Variants in TMC1 observed in about 807,000 individuals in gnomAD.
TMC1 encodes the protein transmembrane channel like 1.
Under a neutral mutation model 105.8 loss-of-function variants are expected in TMC1, and 84 were observed. The observed-to-expected ratio is 0.79, with a 90% confidence interval of 0.67 to 0.95. The LOEUF is 0.95. Ranked by LOEUF, TMC1 falls within the 40% of genes least tolerant of loss-of-function variation. The probability of loss-of-function intolerance (pLI) is 0.00; values close to 1 mark genes in which losing one functional copy is unlikely to be tolerated. For synonymous variants in TMC1, 315 were observed against 311.5 expected (o/e 1.01, Z -0.12); for missense variants, 817 against 914.1 (o/e 0.89, Z 1.37).
chr9:72,739,363 G>A (rs1464961442), intron 8 of TMC1, among the ~76,000 whole-genome samples: 2 of 152,136 alleles, frequency 1.3e-5, no homozygotes, highest in African/African-American at 4.8e-5. Flanking sequence ...GATTTTGATA[G>A]GGACAAAAAC....
rs7028166 is a variant in TMC1 at position 72,736,187 on chromosome 9, C to T, written c.363-3932C>T. Among the ~76,000 whole-genome samples the T allele has an allele frequency of 9.7e-4, 147 of 152,120 alleles. 1 individual carries two copies. The highest frequency in any genetic ancestry group is 3.3e-3 in the African/African-American group (136 of 41,486). On this transcript the variant is annotated intron_variant, in intron 8 of 23. Transcript: ENST00000297784. ...AAGAGAAATATGAAACTATACCTAG[C>T]GTCAAGGAAAACTAACAGTAATTGA...
chr9:72,699,738 C>T (rs910916984), intron 7 of TMC1, among the ~76,000 whole-genome samples: 4 of 151,988 alleles, frequency 2.6e-5, no homozygotes, highest in Non-Finnish European at 4.4e-5. Flanking sequence ...GGGTGGATCA[C>T]CTGAGGTCAG....
intron 10 of TMC1, among the ~76,000 whole-genome samples, chr9:72,743,904 A>G (rs1420558563): frequency 6.6e-6 from 1 of 152,242 alleles, no homozygotes; most frequent in East Asian, 1.9e-4. Context: ...ATCTTTCCAT[A>G]TTCTGGTTTC....
intron 13 of TMC1, among the ~76,000 whole-genome samples, chr9:72,774,494 TG>T (rs1827978302): frequency 6.6e-6 from 1 of 152,202 alleles, no homozygotes; most frequent in Non-Finnish European, 1.5e-5. Flanking sequence ...ATGTTGCTGG[TG>T]GAACACTCTG....
At chr9:72,601,081 T>C (rs1443939992) in intron 2 of TMC1, among the ~76,000 whole-genome samples, 2 of 152,152 alleles carry the variant, frequency 1.3e-5, no homozygotes, top group African/African-American at 2.4e-5. Context: ...ATTCCTGTAA[T>C]GTCAGCACTC....
intron 3 of TMC1, among the ~76,000 whole-genome samples, chr9:72,627,683 A>G (rs567435120): frequency 1.3e-4 from 19 of 149,714 alleles, no homozygotes; most frequent in African/African-American, 4.5e-4. Context: ...TTGTACACAC[A>G]GACAGAAACG....
At chr9:72,712,781 C>G (rs1449254377) in intron 8 of TMC1, among the ~76,000 whole-genome samples, 2 of 152,120 alleles carry the variant, frequency 1.3e-5, no homozygotes, top group South Asian at 2.1e-4. Context: ...CCTGATTGCC[C>G]TGGCCAGAAC....
chr9:72,616,522 T>G (rs1269684849), intron 3 of TMC1, 45 bp downstream of exon 3: 1 of 151,524 alleles, frequency 6.6e-6, no homozygotes, highest in Non-Finnish European at 1.5e-5. Context: ...TATGTAATGT[T>G]CAGGATCATT....
chr9:72,600,258 C>T (rs547526351), intron 2 of TMC1, among the ~76,000 whole-genome samples: 6 of 152,308 alleles, frequency 3.9e-5, no homozygotes, highest in Admixed American at 6.5e-5. Context: ...GTGTACAGAG[C>T]TTACTGACTA....
intron 7 of TMC1, among the ~76,000 whole-genome samples, chr9:72,698,925 C>A (rs1228510849): frequency 6.6e-6 from 1 of 152,036 alleles, no homozygotes; most frequent in Non-Finnish European, 1.5e-5. Flanking sequence ...GGAAGTGTCA[C>A]CCCACAAAGC....
At chr9:72,608,929 T>C (rs767313016) in intron 2 of TMC1, among the ~76,000 whole-genome samples, 1 of 152,128 alleles carries the variant, frequency 6.6e-6, no homozygotes, top group African/African-American at 2.4e-5. Context: ...CCTTCACGAC[T>C]GCAGTCACTT....
chr9:72,648,960 T>G (rs1175924413), intron 5 of TMC1, among the ~76,000 whole-genome samples: 3 of 152,224 alleles, frequency 2.0e-5, no homozygotes, highest in Admixed American at 2.0e-4. Context: ...CACTGAGATT[T>G]CAGCATAGCA....
chr9:72,761,171 T>C (rs1482389770), intron 12 of TMC1, among the ~76,000 whole-genome samples: 2 of 152,186 alleles, frequency 1.3e-5, no homozygotes, highest in Non-Finnish European at 2.9e-5. Flanking sequence ...AATTGTATCA[T>C]GTAAATTAAT....
At position 72,792,059 on chromosome 9, in the gene TMC1, C is replaced by G; in HGVS notation, c.1398C>G (p.Asn466Lys). The G allele has an allele frequency of 1.9e-6, 3 of 1,614,072 alleles. No individual in the cohort carries two copies. The highest frequency in any genetic ancestry group is 2.5e-6 in the Non-Finnish European group (3 of 1,179,978). ...VFILALMDEI[N>K]NKIEEEKLVK... The stretch of plus-strand genomic sequence containing the variant: ...TTCTTGCATTAATGGATGAGATTAA[C>G]AACAAGGTAAGCCTTGTTTCTGGAT... Residue 466 changes from asparagine to lysine, a missense_variant, in exon 16 of 24, where the codon AAC (asparagine) becomes AAG (lysine). Physicochemically the swap from Asn to Lys is moderately conservative, Grantham distance 94. Coordinates refer to ENST00000297784, the MANE Select transcript of TMC1 (RefSeq NM_138691.3).
chr9:72,742,288 G>C (rs1231237026), intron 9 of TMC1, among the ~76,000 whole-genome samples, 156 bp from the exon 10 acceptor site: 1 of 152,160 alleles, frequency 6.6e-6, no homozygotes, highest in African/African-American at 2.4e-5. Context: ...AGGGAAACAA[G>C]TGAAACCTAC....
At chr9:72,523,913 A>G (rs1224941017) in intron 1 of TMC1, among the ~76,000 whole-genome samples, 1 of 152,232 alleles carries the variant, frequency 6.6e-6, no homozygotes, top group Non-Finnish European at 1.5e-5. Flanking sequence ...CTACTGAAGC[A>G]TAAAGTGAGA....
intron 2 of TMC1, among the ~76,000 whole-genome samples, chr9:72,593,016 G>T (rs968149322): frequency 1.7e-4 from 26 of 151,794 alleles, no homozygotes; most frequent in African/African-American, 6.3e-4. Flanking sequence ...TGGGAGAAAA[G>T]AATCATTTTT....
In TMC1 at chr9:72,836,154, C is replaced by T; in HGVS notation, c.*181C>T. 1.4e-6 allele frequency: 1 copy of T among 727,874 alleles called. No homozygotes were observed. The highest frequency in any genetic ancestry group is 2.6e-5 in the East Asian group (1 of 38,698). 45.1% of individuals were successfully genotyped at this position (727,874 alleles called of 1,614,324 possible). ...TCAGTCCTACCTGAGCAACAAGAAT[C>T]TAAACTTTATTCCAAGTCAGAAACT... On this transcript the variant is annotated 3_prime_UTR_variant, in exon 24 of 24. Coordinates refer to ENST00000297784, the MANE Select transcript of TMC1 (RefSeq NM_138691.3).
intron 4 of TMC1, among the ~76,000 whole-genome samples, chr9:72,637,690 G>A (rs1267045365): frequency 2.6e-5 from 4 of 152,162 alleles, no homozygotes; most frequent in Non-Finnish European, 4.4e-5. Context: ...ATCTGGTAGA[G>A]TAATTCAGAC....
Sources: allele counts gnomAD v4.1 joint callset (sites outside exome capture counted in the v4.1 genomes callset), GRCh38; gene constraint gnomAD v4.1.1; transcripts MANE v1.5; gene names NCBI Gene and HGNC (gene_info 2026-07-23, HGNC 2026-07-21).